The following UFL1 variants were observed in gnomAD, a reference collection of about 807,000 sequenced individuals.
UFL1 encodes the protein E3 UFM1-protein ligase 1.
UFL1 carries 78 observed loss-of-function variants against 99.3 expected under a neutral mutation model. The ratio of observed to expected loss-of-function variants is 0.79; its 90% CI spans 0.65 to 0.95. The LOEUF (loss-of-function observed/expected upper bound fraction) is 0.95. Ranked by LOEUF, UFL1 falls within the 40% of genes least tolerant of loss-of-function variation. The pLI, the probability that UFL1 is intolerant of heterozygous loss-of-function variation, is 0.00. For synonymous variants in UFL1, 335 were observed against 322.2 expected, an observed-to-expected ratio of 1.04 and a Z score of -0.42; for missense variants, 936 against 937.0, an observed-to-expected ratio of 1.00 and a Z score of 0.01.
At chr6:96,530,327 G>T (rs1405693768) in intron 6 of UFL1, among the ~76,000 whole-genome samples, 1 of 152,064 alleles carries the variant, frequency 6.6e-6, no homozygotes, top group Non-Finnish European at 1.5e-5. Context: ...TCATATTCAG[G>T]TTATGTGTCT....
At position 96,552,593 on chromosome 6, in the gene UFL1, C is replaced by T; in HGVS notation, c.2097C>T (p.His699=). Residue 699 remains histidine, a synonymous_variant, in exon 18 of 19, where the codon CAC becomes CAT. Coordinates refer to ENST00000369278, the MANE Select transcript of UFL1 (RefSeq NM_015323.5). ...TCCTGTTGTTTCAGTTTTCAACCCA[C>T]AGCATGCTCCATGCACCTGGAAGAT... ...TSVLLFQFST[H]SMLHAPGRCV... is the part of the protein sequence containing the mutation. 1.2e-6 allele frequency: 2 copies of T among 1,613,262 alleles called. No individual in the cohort carries two copies. The highest frequency in any genetic ancestry group is 1.7e-6 in the Non-Finnish European group (2 of 1,179,706).
At chr6:96,546,713 A>G (rs553129199) in intron 12 of UFL1, among the ~76,000 whole-genome samples, 3 of 151,860 alleles carry the variant, frequency 2.0e-5, no homozygotes, top group Admixed American at 6.6e-5. Flanking sequence ...ATAAAGCCAC[A>G]TATCTACAAC....
intron 17 of UFL1, among the ~76,000 whole-genome samples, chr6:96,552,203 C>T (rs1770090694): frequency 6.6e-6 from 1 of 152,116 alleles, no homozygotes; most frequent in East Asian, 1.9e-4. Flanking sequence ...GGAAACCTTA[C>T]CTAATCAGTG....
chr6:96,539,973 C>G (rs549189235), intron 10 of UFL1, among the ~76,000 whole-genome samples: 1 of 151,468 alleles, frequency 6.6e-6, no homozygotes, highest in African/African-American at 2.4e-5. Flanking sequence ...GACCTTATGC[C>G]ATCAGAAAGA....
intron 13 of UFL1, among the ~76,000 whole-genome samples, chr6:96,548,600 A>G (rs1319934171): frequency 3.3e-5 from 5 of 151,716 alleles, no homozygotes; most frequent in African/African-American, 9.7e-5. Context: ...GGTCTCTTCT[A>G]TAGCACAAAA....
At chr6:96,547,978 TAA>T (rs977335746) in intron 12 of UFL1, among the ~76,000 whole-genome samples, 184 bp from the exon 13 acceptor site, 1 of 151,702 alleles carries the variant, frequency 6.6e-6, no homozygotes, top group African/African-American at 2.4e-5. Context: ...AAATATTTTT[TAA>T]AAAGAGGTTT....
At chr6:96,523,434 T>A in intron 2 of UFL1, 143 bp downstream of exon 2, 1 of 919,620 alleles carries the variant, frequency 1.1e-6, no homozygotes, top group Non-Finnish European at 1.5e-6. Flanking sequence ...TAATCAGGCT[T>A]AATATTTTTA....
rs1380965589 is a variant in UFL1 at position 96,553,505 on chromosome 6, G to C, written c.*2G>C. 1 of 1,611,426 alleles carries C rather than the reference G, an allele frequency of 6.2e-7. No individual in the cohort carries two copies. Among genetic ancestry groups the C allele is most frequent in the African/African-American group, 1.3e-5 (1 of 74,736 alleles). ...AAATCATCTGTGACGGAAGAGTAAT[G>C]ATCTTAATTTACATTTGTCATATAG... is the stretch of plus-strand genomic sequence containing the variant. On this transcript the variant is annotated 3_prime_UTR_variant, in exon 19 of 19. Transcript: ENST00000369278.
rs1211624954 is a variant in UFL1 at position 96,555,068 on chromosome 6, A to ATTTG, written c.*1570_*1573dup. The ATTTG allele has an allele frequency of 3.3e-5, 5 of 152,532 alleles. No individual in the cohort carries two copies. Among genetic ancestry groups the ATTTG allele is most frequent in the African/African-American group, 1.2e-4 (5 of 41,436 alleles). The allele number at this position is 152,532 out of a possible 1,614,324, so 9.4% of individuals were successfully genotyped here. A position where few individuals can be genotyped will look rare whatever the true frequency, so the allele number is the denominator to read the frequency against. ...AAGTAAAAAGAAAAGCATTGTTTTAATTTGTTTGCATTAATTTTTTTCATT... is the reference window on the plus strand; with the variant it reads ...AAGTAAAAAGAAAAGCATTGTTTTAATTTGTTTGTTTGCATTAATTTTTTTCATT... On this transcript the variant is annotated 3_prime_UTR_variant, in exon 19 of 19. Coordinates refer to ENST00000369278, the MANE Select transcript of UFL1 (RefSeq NM_015323.5).
chr6:96,525,877 A>G (rs1020630741), intron 4 of UFL1, among the ~76,000 whole-genome samples: 3 of 152,018 alleles, frequency 2.0e-5, no homozygotes, highest in Non-Finnish European at 4.4e-5. Context: ...AAATCCCAGC[A>G]TGCCAGCCTG....
intron 15 of UFL1, among the ~76,000 whole-genome samples, chr6:96,550,578 T>G (rs1038979083): frequency 6.6e-6 from 1 of 151,952 alleles, no homozygotes; most frequent in Non-Finnish European, 1.5e-5. Context: ...GGAATGTTGT[T>G]TAGTTTCATG....
chr6:96,541,478 ATTCAATATTCAACAT>A (rs1294242330), intron 11 of UFL1, among the ~76,000 whole-genome samples: 1 of 151,396 alleles, frequency 6.6e-6, no homozygotes, highest in African/African-American at 2.4e-5. Flanking sequence ...AACTGAAGAA[ATTCAATATTCAACAT>A]TTTTCATTAA....
At chr6:96,550,910 A>G (rs973848062) in intron 15 of UFL1, among the ~76,000 whole-genome samples, 4 of 151,982 alleles carry the variant, frequency 2.6e-5, no homozygotes, top group Admixed American at 6.6e-5. Context: ...GTCTGCTCCA[A>G]AATTTTATGC....
At chr6:96,546,179 A>T (rs1362843070) in intron 12 of UFL1, among the ~76,000 whole-genome samples, 2 of 151,270 alleles carry the variant, frequency 1.3e-5, no homozygotes, top group Non-Finnish European at 3.0e-5. Flanking sequence ...ATATCAGGAT[A>T]CAAAATGAGT....
intron 6 of UFL1, among the ~76,000 whole-genome samples, chr6:96,530,633 A>G (rs1168037896): frequency 6.6e-6 from 1 of 152,082 alleles, no homozygotes; most frequent in African/African-American, 2.4e-5. Flanking sequence ...ACTGGCCCTG[A>G]TTTAGCTAGT....
At chr6:96,538,583 G>GT in intron 9 of UFL1, 48 bp from the exon 10 acceptor site, 1 of 1,561,354 alleles carries the variant, frequency 6.4e-7, no homozygotes, top group Non-Finnish European at 8.8e-7. Flanking sequence ...TGGTTTCACT[G>GT]TATTATATTG....
chr6:96,543,139 GAC>G, intron 12 of UFL1, 123 bp downstream of exon 12: 1 of 1,193,350 alleles, frequency 8.4e-7, no homozygotes, highest in Non-Finnish European at 1.1e-6. Flanking sequence ...GTGTTTCAGT[GAC>G]ACAAATTTCA....
chr6:96,529,271 C>T (rs1331855448), intron 6 of UFL1, among the ~76,000 whole-genome samples: 1 of 152,134 alleles, frequency 6.6e-6, no homozygotes, highest in Non-Finnish European at 1.5e-5. Flanking sequence ...TGGCTATATG[C>T]CCTATCAGCA....
intron 6 of UFL1, among the ~76,000 whole-genome samples, chr6:96,533,125 G>A (rs1769804910): frequency 6.6e-6 from 1 of 151,710 alleles, no homozygotes; most frequent in South Asian, 2.1e-4. Context: ...CTTAACTAGA[G>A]AGAACAGGCA....
Sources: gnomAD v4.1 joint callset for allele counts (sites outside exome capture counted in the v4.1 genomes callset) on GRCh38, gnomAD v4.1.1 for gene constraint, MANE v1.5 for transcripts, NCBI Gene and HGNC (gene_info 2026-07-23, HGNC 2026-07-21) for gene names.